The following MAGI1 variants were observed in gnomAD, a reference collection of about 807,000 sequenced individuals.
The protein encoded by MAGI1 is membrane associated guanylate kinase, WW and PDZ domain containing 1.
In MAGI1, 58 loss-of-function variants were observed where a neutral mutation model predicts 139.9. That is an observed-to-expected ratio of 0.41 (90% confidence interval 0.34 to 0.52). MAGI1 has a LOEUF of 0.52. MAGI1 is among the 20% of genes least tolerant of loss of function. The pLI is 0.12. For missense variants in MAGI1, 1,874 were observed against 1,901.6 expected (o/e 0.99, Z 0.27); for synonymous variants, 812 against 737.9 (o/e 1.10, Z -1.63).
intron 1 of MAGI1, among the ~76,000 whole-genome samples, chr3:65,766,709 G>T (rs2037507234): frequency 6.6e-6 from 1 of 152,014 alleles, no homozygotes; most frequent in Admixed American, 6.5e-5. Flanking sequence ...GGCCAATCTG[G>T]TGAAACCCTG....
chr3:65,715,153 G>A (rs2032071361), intron 1 of MAGI1, among the ~76,000 whole-genome samples: 1 of 152,158 alleles, frequency 6.6e-6, no homozygotes, highest in South Asian at 2.1e-4. Flanking sequence ...AACGACCTCA[G>A]ACATTTTAAT....
chr3:65,371,849 A>T (rs771304990), intron 18 of MAGI1: 1 of 421,914 alleles, frequency 2.4e-6, no homozygotes, highest in South Asian at 1.7e-5. Context: ...TTATCATGAG[A>T]TTACGGCAAT....
chr3:65,375,244 A>G (rs2106843165), intron 18 of MAGI1, among the ~76,000 whole-genome samples: 1 of 146,630 alleles, frequency 6.8e-6, no homozygotes, highest in South Asian at 2.1e-4. Context: ...GCTGGAGTGC[A>G]GTGGTGCGAT....
At chr3:65,940,072 C>T (rs769919921) in intron 1 of MAGI1, among the ~76,000 whole-genome samples, 1 of 152,200 alleles carries the variant, frequency 6.6e-6, no homozygotes, top group Non-Finnish European at 1.5e-5. Flanking sequence ...TTCTACATCA[C>T]TGGCAAACAT....
At chr3:66,024,808 A>AAAAC (rs939245359) in intron 1 of MAGI1, among the ~76,000 whole-genome samples, 2 of 152,202 alleles carry the variant, frequency 1.3e-5, no homozygotes, top group Non-Finnish European at 2.9e-5. Flanking sequence ...CTCCGTTTCC[A>AAAAC]AAACAAACAA....
chr3:65,898,507 A>G (rs956844001), intron 1 of MAGI1, among the ~76,000 whole-genome samples: 7 of 152,330 alleles, frequency 4.6e-5, no homozygotes, highest in Admixed American at 1.3e-4. Flanking sequence ...ACAACAAAAC[A>G]AAACAAAAGA....
chr3:65,819,741 G>A (rs548443400), intron 1 of MAGI1, among the ~76,000 whole-genome samples: 17 of 151,182 alleles, frequency 1.1e-4, no homozygotes, highest in African/African-American at 3.9e-4. Flanking sequence ...GCTGGGCGTG[G>A]TGGTGCATGT....
intron 1 of MAGI1, among the ~76,000 whole-genome samples, chr3:65,994,570 C>T (rs2066343771): frequency 6.6e-6 from 1 of 152,190 alleles, no homozygotes; most frequent in Admixed American, 6.5e-5. Flanking sequence ...GAACAACCAA[C>T]CACCATTTCA....
chr3:65,775,135 AATCCTATGAAT>A (rs1476466923), intron 1 of MAGI1, among the ~76,000 whole-genome samples: 1 of 152,100 alleles, frequency 6.6e-6, no homozygotes, highest in East Asian at 1.9e-4. Flanking sequence ...AAATTTCTGA[AATCCTATGAAT>A]ATAACAAAGT....
chr3:65,436,419 G>C (rs1947857864), intron 10 of MAGI1, among the ~76,000 whole-genome samples: 2 of 152,016 alleles, frequency 1.3e-5, no homozygotes, highest in Admixed American at 1.3e-4. Context: ...AAGTTGCAAG[G>C]TTCTGGAGCT....
chr3:65,648,290 C>CGT (rs35122002), intron 1 of MAGI1, among the ~76,000 whole-genome samples: 48,887 of 146,510 alleles, frequency 0.33, 8,023 homozygotes, highest in Non-Finnish European at 0.35. Context: ...TACTACAGGC[C>CGT]GTGTGTGTGT....
At chr3:65,741,827 T>C (rs991003064) in intron 1 of MAGI1, among the ~76,000 whole-genome samples, 14 of 152,198 alleles carry the variant, frequency 9.2e-5, no homozygotes, top group African/African-American at 2.9e-4. Context: ...ATCCACACTC[T>C]AGAAAATCCA....
chr3:65,950,157 AT>A (rs1272252072), intron 1 of MAGI1, among the ~76,000 whole-genome samples: 1 of 147,504 alleles, frequency 6.8e-6, no homozygotes, highest in Admixed American at 6.8e-5. Flanking sequence ...CAGCTTGTCA[AT>A]TTTAATCAAA....
At chr3:65,642,644 C>T (rs144065517) in intron 1 of MAGI1, among the ~76,000 whole-genome samples, 269 of 152,264 alleles carry the variant, frequency 1.8e-3, no homozygotes, top group African/African-American at 6.3e-3. Flanking sequence ...AAATCGGTTA[C>T]ATTTTCTATC....
At position 65,696,153 on chromosome 3, in the gene MAGI1, A is replaced by G. The variant is rs1490199918; in HGVS notation, c.314-74065T>C. 2.6e-5 allele frequency among the ~76,000 whole-genome samples: 4 copies of G among 152,080 alleles called. No individual in the cohort carries two copies. In the East Asian group the frequency reaches 5.8e-4, roughly 22 times the overall value. ...ACTCCTGCCTCCCTATCTTAGAAGC[A>G]TTTTCCTCCATCAGAAACATCCCCC... On this transcript the variant is annotated intron_variant, in intron 1 of 22. Transcript: ENST00000402939.
At chr3:65,921,985 A>G (rs1423760701) in intron 1 of MAGI1, among the ~76,000 whole-genome samples, 2 of 151,818 alleles carry the variant, frequency 1.3e-5, no homozygotes, top group South Asian at 4.2e-4. Context: ...TACAAAATGC[A>G]TTTTGGTTAG....
chr3:66,000,561 G>A (rs1490021094), intron 1 of MAGI1, among the ~76,000 whole-genome samples: 1 of 152,204 alleles, frequency 6.6e-6, no homozygotes, highest in East Asian at 1.9e-4. Context: ...GGCACAAGAT[G>A]GGCCTTGTGG....
intron 1 of MAGI1, among the ~76,000 whole-genome samples, chr3:65,924,708 C>T (rs1288170029): frequency 6.6e-6 from 1 of 152,214 alleles, no homozygotes; most frequent in Admixed American, 6.5e-5. Context: ...GGAAACCCCA[C>T]ATCCCACACT....
chr3:65,461,647 C>A (rs1283201123), intron 5 of MAGI1, among the ~76,000 whole-genome samples: 5 of 151,718 alleles, frequency 3.3e-5, no homozygotes, highest in Admixed American at 6.6e-5. Flanking sequence ...CGCCACCACG[C>A]CTGGCTAATT....
Sources: allele counts gnomAD v4.1 joint callset (sites outside exome capture counted in the v4.1 genomes callset), GRCh38; gene constraint gnomAD v4.1.1; transcripts MANE v1.5; gene names NCBI Gene and HGNC (gene_info 2026-07-23, HGNC 2026-07-21).